Variants in DTNB observed in about 807,000 individuals in gnomAD.
DTNB encodes dystrobrevin beta.
DTNB carries 63 observed loss-of-function variants against 90.7 expected under a neutral mutation model. The ratio of observed to expected loss-of-function variants is 0.69; its 90% confidence interval spans 0.57 to 0.86. The LOEUF (loss-of-function observed/expected upper bound fraction) is 0.86, where lower values mean the gene tolerates loss of function less well. DTNB is among the 40% of genes least tolerant of loss of function. The pLI is 0.00. For synonymous variants in DTNB, 277 were observed against 286.7 expected (o/e 0.97, Z 0.34); for missense variants, 744 against 807.1 (o/e 0.92, Z 0.95).
Position 25,672,592 on chromosome 2 carries a change from T to G in DTNB, c.-2+794A>C, listed in dbSNP as rs1045464910. 2.6e-5 allele frequency among the ~76,000 whole-genome samples: 4 copies of G among 152,186 alleles called. No homozygotes were observed. The East Asian group carries it at 7.7e-4, about 29-fold the overall frequency. On this transcript the variant is annotated intron_variant, in intron 1 of 20. Coordinates refer to ENST00000406818, the MANE Select transcript of DTNB (RefSeq NM_021907.5). ...TGCTTTATCCCCAAAACCACGCAAT[T>G]TATGGCTCCAATTTCCCAATACTGG...
intron 9 of DTNB, among the ~76,000 whole-genome samples, chr2:25,508,147 T>G (rs1220020711): frequency 1.3e-5 from 2 of 152,180 alleles, no homozygotes; most frequent in Non-Finnish European, 2.9e-5. Context: ...TTTATTAAGA[T>G]TTTTGCCTGT....
intron 16 of DTNB, chr2:25,399,345 CT>C (rs1156483966): frequency 1.9e-5 from 2 of 103,716 alleles, no homozygotes; most frequent in African/African-American, 5.2e-5. Context: ...GCCATCGCCC[CT>C]GACCTTTTTT....
chr2:25,449,181 C>T (rs1456397977), intron 12 of DTNB, among the ~76,000 whole-genome samples: 1 of 152,036 alleles, frequency 6.6e-6, no homozygotes. Context: ...CAATGTTATT[C>T]CTTTTTGTGT....
chr2:25,377,817 A>G (rs2036265040), intron 20 of DTNB, among the ~76,000 whole-genome samples: 1 of 152,076 alleles, frequency 6.6e-6, no homozygotes, highest in Non-Finnish European at 1.5e-5. Flanking sequence ...GTGGCCCAGG[A>G]GAAGGGCAGG....
At chr2:25,640,423 AGGTTTTT>A (rs982767798) in intron 2 of DTNB, among the ~76,000 whole-genome samples, 4 of 152,092 alleles carry the variant, frequency 2.6e-5, no homozygotes, top group Non-Finnish European at 5.9e-5. Flanking sequence ...GGATTTTTCC[AGGTTTTT>A]GGTTTTTGTA....
intron 14 of DTNB, among the ~76,000 whole-genome samples, chr2:25,428,469 G>C (rs965259583): frequency 1.4e-5 from 2 of 142,574 alleles, no homozygotes; most frequent in Admixed American, 1.5e-4. Flanking sequence ...GTCTCACTCT[G>C]TCGCCCAGGC....
chr2:25,398,787 T>C lies in DTNB; in HGVS notation c.1576-10426A>G, dbSNP rs568127893. 4.5e-4 allele frequency among the ~76,000 whole-genome samples: 68 copies of C among 152,172 alleles called. 2 individuals are homozygous for C. Among genetic ancestry groups the C allele is most frequent in the African/African-American group, 1.6e-3 (65 of 41,514 alleles). The stretch of plus-strand genomic sequence containing the variant: ...CCCCTGGGCATCAGTCTCACTACTA[T>C]CTCCTCTAGGATGAGACAATGTCTT... On this transcript the variant is annotated intron_variant, in intron 16 of 20. Transcript: ENST00000406818.
chr2:25,634,000 G>A (rs1423436594), intron 3 of DTNB, among the ~76,000 whole-genome samples: 2 of 151,524 alleles, frequency 1.3e-5, no homozygotes, highest in Admixed American at 1.3e-4. Flanking sequence ...GAGAAGTGAG[G>A]AGCCCCTCCG....
At chr2:25,415,104 G>C (rs1448095934) in intron 16 of DTNB, among the ~76,000 whole-genome samples, 1 of 152,166 alleles carries the variant, frequency 6.6e-6, no homozygotes, top group Non-Finnish European at 1.5e-5. Context: ...GCTGAAGGCA[G>C]AATCACAGCA....
chr2:25,577,189 C>T (rs183277819), intron 7 of DTNB, among the ~76,000 whole-genome samples, 185 bp from the exon 8 acceptor site: 8 of 152,276 alleles, frequency 5.3e-5, no homozygotes, highest in Non-Finnish European at 1.0e-4. Flanking sequence ...AATCCCAGCA[C>T]TATGGGAGGC....
At chr2:25,455,339 A>G in intron 11 of DTNB, 66 bp downstream of exon 11, 1 of 1,450,334 alleles carries the variant, frequency 6.9e-7, no homozygotes, top group Non-Finnish European at 9.3e-7. Flanking sequence ...TGACAACCCC[A>G]GGTAGCAAAG....
chr2:25,420,023 T>C (rs901769426), intron 15 of DTNB, among the ~76,000 whole-genome samples: 3 of 152,170 alleles, frequency 2.0e-5, no homozygotes, highest in African/African-American at 4.8e-5. Context: ...CCTGGGAACT[T>C]GTCAGAGATG....
intron 4 of DTNB, among the ~76,000 whole-genome samples, chr2:25,609,328 G>A (rs67056533): frequency 0.26 from 39,431 of 152,148 alleles, 6,099 homozygotes; most frequent in Non-Finnish European, 0.36. Flanking sequence ...GCCGGGTACA[G>A]TGGCTCACGC....
chr2:25,378,860 C>T (rs1381817411), intron 20 of DTNB, among the ~76,000 whole-genome samples: 4 of 152,166 alleles, frequency 2.6e-5, no homozygotes, highest in Non-Finnish European at 4.4e-5. Context: ...GACTGTGATT[C>T]GGTGCAGTGC....
chr2:25,576,590 C>T (rs1358723095), intron 8 of DTNB: 3 of 376,250 alleles, frequency 8.0e-6, no homozygotes, highest in African/African-American at 6.3e-5. Context: ...CTGCAACATT[C>T]CATTTTACTG....
chr2:25,658,823 T>C (rs2082576895), intron 1 of DTNB, among the ~76,000 whole-genome samples: 1 of 152,272 alleles, frequency 6.6e-6, no homozygotes, highest in Non-Finnish European at 1.5e-5. Flanking sequence ...AGAAATATTC[T>C]GTATGATTCT....
chr2:25,610,183 A>G (rs1407234723), intron 4 of DTNB, among the ~76,000 whole-genome samples: 1 of 152,084 alleles, frequency 6.6e-6, no homozygotes, highest in Non-Finnish European at 1.5e-5. Flanking sequence ...TGATCACAGC[A>G]CACTGCAGCC....
At position 25,652,681 on chromosome 2, in the gene DTNB, C is replaced by T; in HGVS notation, c.-1-20G>A. ...ATCATCCTAGAGACAAAGAAAGATA[C>T]AATAAACCACTGTATAATTCGACAA... On this transcript the variant is annotated intron_variant, in intron 1 of 20. Transcript: ENST00000406818. 6.2e-7 allele frequency: 1 copy of T among 1,606,200 alleles called. No homozygotes were observed. The highest frequency in any genetic ancestry group is 8.5e-7 in the Non-Finnish European group (1 of 1,177,710).
At chr2:25,564,982 A>C (rs1455711319) in intron 8 of DTNB, among the ~76,000 whole-genome samples, 1 of 152,118 alleles carries the variant, frequency 6.6e-6, no homozygotes, top group Admixed American at 6.5e-5. Context: ...AAACTTGGTA[A>C]ATTTATTATC....
Sources: gnomAD v4.1 joint callset for allele counts (sites outside exome capture counted in the v4.1 genomes callset) on GRCh38, gnomAD v4.1.1 for gene constraint, MANE v1.5 for transcripts, NCBI Gene and HGNC (gene_info 2026-07-23, HGNC 2026-07-21) for gene names.